C11orf65: variants seen among roughly 807,000 people sequenced by gnomAD.
C11orf65 encodes chromosome 11 open reading frame 65, also known as protein MFI.
C11orf65 carries 38 observed loss-of-function variants against 35.3 expected under a neutral mutation model. The ratio of observed to expected loss-of-function variants is 1.08; its 90% CI spans 0.83 to 1.41. C11orf65 has a LOEUF of 1.41. Ranked by LOEUF, C11orf65 falls within the 40% of genes most tolerant of loss-of-function variation. The pLI is 0.00. For synonymous variants in C11orf65, 105 were observed against 114.4 expected (o/e 0.92, Z 0.53); for missense variants, 370 against 367.1 (o/e 1.01, Z -0.06).
intron 2 of C11orf65, among the ~76,000 whole-genome samples, chr11:108,373,590 T>G (rs1012635348): frequency 1.7e-4 from 26 of 152,132 alleles, no homozygotes; most frequent in Non-Finnish European, 3.7e-4. Context: ...GCTCCCAGTG[T>G]GAGCGACGCA....
chr11:108,429,277 C>T (rs1333657433), intron 3 of C11orf65, among the ~76,000 whole-genome samples: 1 of 151,946 alleles, frequency 6.6e-6, no homozygotes, highest in African/African-American at 2.4e-5. Flanking sequence ...TCAAAATAAC[C>T]TAGAGGTTGT....
chr11:108,458,973 C>T (rs983900411), intron 2 of C11orf65, among the ~76,000 whole-genome samples: 30 of 152,262 alleles, frequency 2.0e-4, no homozygotes, highest in African/African-American at 6.7e-4. Flanking sequence ...TTTTTCTAGG[C>T]GCTAGTACGA....
Position 108,420,732 on chromosome 11 carries a change from A to C in C11orf65, c.174+11014T>G, listed in dbSNP as rs546914941. Among the ~76,000 whole-genome samples the C allele has an allele frequency of 3.1e-4, 47 of 152,216 alleles. 1 individual carries two copies. The South Asian group carries it at 8.7e-3, about 28-fold the overall frequency. ...ACCAGTTTTCCTCAAATTGAGCCAA[A>C]TATTCAATACAATCTCGATCAACAT... On this transcript the variant is annotated intron_variant, in intron 3 of 8. Coordinates refer to ENST00000393084, the MANE Select transcript of C11orf65 (RefSeq NM_152587.5).
chr11:108,342,759 GATA>G (rs2087747911), intron 2 of C11orf65, among the ~76,000 whole-genome samples: 1 of 152,134 alleles, frequency 6.6e-6, no homozygotes, highest in Admixed American at 6.6e-5. Context: ...TCTCTGTGAA[GATA>G]ATAAGACTAA....
At chr11:108,377,609 T>C (rs986934975) in intron 2 of C11orf65, among the ~76,000 whole-genome samples, 2 of 151,066 alleles carry the variant, frequency 1.3e-5, no homozygotes, top group Admixed American at 6.6e-5. Flanking sequence ...CTATTCAACA[T>C]AGTGTTGGAA....
chr11:108,405,447 A>G lies in C11orf65; in HGVS notation c.542T>C (p.Ile181Thr). The change falls in exon 6 of 9, where the codon ATA becomes ACA. Residue 181 changes from isoleucine to threonine, a missense_variant. Transcript: ENST00000393084. Reference sequence around the variant, plus strand: ...AACTTACATTTGCCTCATCCACTCTATTTTTCTAAGTTTTCTTTTCTTTTC... The same window carrying G: ...AACTTACATTTGCCTCATCCACTCTGTTTTTCTAAGTTTTCTTTTCTTTTC... ...DLEKKRKLRK[I>T]EWMRQMYYSG... The G allele has an allele frequency of 6.2e-7, 1 of 1,612,428 alleles. No individual in the cohort carries two copies. The highest frequency in any genetic ancestry group is 8.5e-7 in the Non-Finnish European group (1 of 1,179,720).
chr11:108,359,713 A>G (rs1184956793), intron 2 of C11orf65, among the ~76,000 whole-genome samples: 1 of 152,154 alleles, frequency 6.6e-6, no homozygotes, highest in East Asian at 1.9e-4. Context: ...ACATAATGAA[A>G]TGAAGGCAGA....
chr11:108,309,679 G>C (rs2083979642), intron 6 of C11orf65, among the ~76,000 whole-genome samples: 1 of 152,170 alleles, frequency 6.6e-6, no homozygotes, highest in East Asian at 1.9e-4. Context: ...TTTTTATTAA[G>C]TAACTCAACC....
Position 108,385,954 on chromosome 11 carries a change from T to A in C11orf65, c.753A>T (p.Glu251Asp). The A allele has an allele frequency of 1.2e-6, 2 of 1,613,960 alleles. No individual in the cohort carries two copies. Among genetic ancestry groups the A allele is most frequent in the African/African-American group, 2.7e-5 (2 of 75,054 alleles). Residue 251 changes from glutamate (E) to aspartate (D), a missense_variant, in exon 8 of 9, where the codon GAA (glutamate) becomes GAT (aspartate). Transcript: ENST00000393084. ...NFDEYIASWK[E>D]IATSNSSANF... ...TAGCCGAAGAGTTGCTTGTAGCAAT[T>A]TCCTTCCAGCTGGCAATGTACCTAA...
downstream of C11orf65, among the ~76,000 whole-genome samples, chr11:108,380,156 G>C (rs776189741): frequency 7.2e-5 from 11 of 152,216 alleles, no homozygotes; most frequent in African/African-American, 9.6e-5. Flanking sequence ...TACGAACTTG[G>C]GCCTTGCTCA....
intron 7 of C11orf65, among the ~76,000 whole-genome samples, chr11:108,389,271 A>G (rs943345227): frequency 1.1e-4 from 16 of 152,252 alleles, no homozygotes; most frequent in African/African-American, 3.9e-4. Flanking sequence ...TAGACTGTGG[A>G]GACCATAAAT....
upstream of C11orf65, among the ~76,000 whole-genome samples, chr11:108,469,440 T>C (rs2093564018): frequency 6.6e-6 from 1 of 151,656 alleles, no homozygotes; most frequent in African/African-American, 2.4e-5. Flanking sequence ...TATACTGCTG[T>C]TTAGATATTA....
chr11:108,311,250 C>T (rs956540605), intron 6 of C11orf65, among the ~76,000 whole-genome samples: 3 of 152,174 alleles, frequency 2.0e-5, no homozygotes, highest in Admixed American at 6.5e-5. Flanking sequence ...GCTGGGATTA[C>T]AAGCATGAGC....
At chr11:108,369,850 A>G (rs1401793694) in intron 2 of C11orf65, among the ~76,000 whole-genome samples, 1 of 152,178 alleles carries the variant, frequency 6.6e-6, no homozygotes, top group African/African-American at 2.4e-5. Flanking sequence ...TTTGTACCTC[A>G]CTAATTACTA....
chr11:108,409,212 A>G (rs2092612458), intron 3 of C11orf65, among the ~76,000 whole-genome samples: 1 of 152,186 alleles, frequency 6.6e-6, no homozygotes, highest in Non-Finnish European at 1.5e-5. Context: ...ACATTCCATC[A>G]TATAATAGAA....
chr11:108,356,784 G>C (rs558395489), intron 2 of C11orf65, among the ~76,000 whole-genome samples: 3 of 152,124 alleles, frequency 2.0e-5, no homozygotes, highest in Non-Finnish European at 2.9e-5. Flanking sequence ...ACTTTTTAGA[G>C]TAGTAGGAGA....
chr11:108,416,746 A>G (rs2092738081), intron 3 of C11orf65, among the ~76,000 whole-genome samples: 1 of 152,192 alleles, frequency 6.6e-6, no homozygotes, highest in Admixed American at 6.6e-5. Context: ...AAATTCAAAT[A>G]CTGACAACAC....
chr11:108,333,125 T>C (rs2086459946), intron 3 of C11orf65, among the ~76,000 whole-genome samples: 1 of 152,212 alleles, frequency 6.6e-6, no homozygotes, highest in Non-Finnish European at 1.5e-5. Context: ...TTTGATTTCT[T>C]CTGATAATCT....
At chr11:108,316,411 A>G (rs748211140) in intron 6 of C11orf65, among the ~76,000 whole-genome samples, 1 of 152,202 alleles carries the variant, frequency 6.6e-6, no homozygotes, top group Non-Finnish European at 1.5e-5. Flanking sequence ...TCGAGCATAT[A>G]CAATGTGCCA....
Sources: allele counts gnomAD v4.1 joint callset (sites outside exome capture counted in the v4.1 genomes callset), GRCh38; gene constraint gnomAD v4.1.1; transcripts MANE v1.5; gene names NCBI Gene and HGNC (gene_info 2026-07-23, HGNC 2026-07-21).